The following OSBPL6 variants were observed in gnomAD, a reference collection of about 807,000 sequenced individuals.
OSBPL6 encodes the protein oxysterol-binding protein-related protein 6.
OSBPL6 carries 49 observed loss-of-function variants against 125.8 expected under a neutral mutation model. The observed-to-expected ratio is 0.39, with a 90% CI of 0.31 to 0.49. The LOEUF is 0.49. OSBPL6 is among the 20% of genes least tolerant of loss of function. The probability of loss-of-function intolerance (pLI) is 0.88; values close to 1 mark genes in which losing one functional copy is unlikely to be tolerated. For synonymous variants in OSBPL6, 394 were observed against 391.8 expected, an observed-to-expected ratio of 1.01 and a Z score of -0.07; for missense variants, 986 against 1,135.4, an observed-to-expected ratio of 0.87 and a Z score of 1.89.
At chr2:178,290,578 T>A (rs1321698072) in intron 2 of OSBPL6, among the ~76,000 whole-genome samples, 7 of 152,142 alleles carry the variant, frequency 4.6e-5, no homozygotes, top group Non-Finnish European at 8.8e-5. Flanking sequence ...ACCTATATAA[T>A]CAGCACCCAG....
intron 1 of OSBPL6, among the ~76,000 whole-genome samples, chr2:178,200,013 G>A (rs1347947605): frequency 6.6e-6 from 1 of 152,116 alleles, no homozygotes; most frequent in Non-Finnish European, 1.5e-5. Flanking sequence ...CGAGAATAAT[G>A]CCTAATTATT....
At chr2:178,270,625 T>C (rs1196153415) in intron 1 of OSBPL6, among the ~76,000 whole-genome samples, 2 of 152,210 alleles carry the variant, frequency 1.3e-5, no homozygotes, top group African/African-American at 4.8e-5. Flanking sequence ...ATTCATGGTC[T>C]TTATTTCTAT....
chr2:178,329,629 A>G lies in OSBPL6; in HGVS notation c.318+1251A>G, dbSNP rs112830241. Among the ~76,000 whole-genome samples, 896 of 151,992 alleles carry G rather than the reference A, an allele frequency of 5.9e-3. 7 individuals carry two copies. Among genetic ancestry groups the G allele is most frequent in the African/African-American group, 0.021 (866 of 41,474 alleles). On this transcript the variant is annotated intron_variant, in intron 5 of 24. Coordinates refer to ENST00000190611, the MANE Select transcript of OSBPL6 (RefSeq NM_032523.4). Reference sequence around the variant, plus strand: ...TTTAGTAGAGATTGGGTTTCACCATATCGGCCAGGCTGGTCTCAAACTCCT... The same window carrying G: ...TTTAGTAGAGATTGGGTTTCACCATGTCGGCCAGGCTGGTCTCAAACTCCT...
chr2:178,241,654 G>A (rs552288358), intron 1 of OSBPL6, among the ~76,000 whole-genome samples: 4 of 152,206 alleles, frequency 2.6e-5, no homozygotes, highest in Admixed American at 1.3e-4. Flanking sequence ...GACCTCAAGC[G>A]ATTCGCCAAC....
In OSBPL6 at chr2:178,382,912, T is replaced by C; in HGVS notation, c.1622-112T>C. On this transcript the variant is annotated intron_variant, in intron 16 of 24. Coordinates refer to ENST00000190611, the MANE Select transcript of OSBPL6 (RefSeq NM_032523.4). ...TCCATTTACTTTTGAAAAGATATAA[T>C]GAAGACTCATGAAAGGTCTCAAAAT... 1.6e-5 allele frequency: 24 copies of C among 1,480,780 alleles called. No homozygotes were observed. The South Asian group carries it at 2.9e-4, about 18-fold the overall frequency. The allele number at this position is 1,480,780 out of a possible 1,614,324, so 91.7% of individuals were successfully genotyped here.
At chr2:178,247,480 T>C (rs954785996) in intron 1 of OSBPL6, among the ~76,000 whole-genome samples, 3 of 152,218 alleles carry the variant, frequency 2.0e-5, no homozygotes, top group African/African-American at 4.8e-5. Context: ...GGCACTCTTC[T>C]TGGTTTAGGA....
chr2:178,267,011 CAG>C, intron 1 of OSBPL6, among the ~76,000 whole-genome samples: 1 of 152,188 alleles, frequency 6.6e-6, no homozygotes, highest in South Asian at 2.1e-4. Flanking sequence ...GGAGGAGAGC[CAG>C]AGAGACATGG....
In OSBPL6 at chr2:178,212,727, C is replaced by T. The variant is rs1009365303; in HGVS notation, c.-351+18053C>T. ...CAGTGAAAGTATGCAATTTTTTAAA[C>T]GCAGAGGCTAAAACTAAAATAGCTC... On this transcript the variant is annotated intron_variant, in intron 1 of 24. Transcript: ENST00000190611. 5.3e-5 allele frequency among the ~76,000 whole-genome samples: 8 copies of T among 152,138 alleles called. No homozygotes were observed. In the East Asian group the frequency reaches 5.8e-4, roughly 11 times the overall value.
intron 3 of OSBPL6, among the ~76,000 whole-genome samples, chr2:178,316,716 A>G (rs572999865): frequency 6.6e-6 from 1 of 152,312 alleles, no homozygotes; most frequent in East Asian, 1.9e-4. Flanking sequence ...GCATTTACAT[A>G]GTATTAGGTA....
intron 1 of OSBPL6, among the ~76,000 whole-genome samples, chr2:178,270,290 T>C (rs1048744340): frequency 6.6e-6 from 1 of 152,198 alleles, no homozygotes; most frequent in Non-Finnish European, 1.5e-5. Flanking sequence ...AGCATGACTA[T>C]GAATGATTTG....
chr2:178,265,190 A>ATTTTT (rs2092191705), intron 1 of OSBPL6, among the ~76,000 whole-genome samples: 5 of 51,910 alleles, frequency 9.6e-5, no homozygotes, highest in East Asian at 1.1e-3. Flanking sequence ...CCCAGACGAG[A>ATTTTT]CTTTTTTTTT....
intron 1 of OSBPL6, among the ~76,000 whole-genome samples, chr2:178,232,838 A>G (rs2090892453): frequency 6.6e-6 from 1 of 151,982 alleles, no homozygotes; most frequent in African/African-American, 2.4e-5. Context: ...GTACCTTTCC[A>G]TTCTGTGTAG....
intron 8 of OSBPL6, among the ~76,000 whole-genome samples, chr2:178,333,595 C>T (rs530564933): frequency 1.4e-4 from 22 of 152,176 alleles, no homozygotes; most frequent in Non-Finnish European, 2.2e-4. Flanking sequence ...CTTTTATGAA[C>T]GGACTACCTT....
At chr2:178,334,998 A>G (rs1469915803) in intron 8 of OSBPL6, among the ~76,000 whole-genome samples, 1 of 152,218 alleles carries the variant, frequency 6.6e-6, no homozygotes, top group Non-Finnish European at 1.5e-5. Flanking sequence ...TGCCCAAGAT[A>G]GTGCCGAGTT....
intron 3 of OSBPL6, among the ~76,000 whole-genome samples, chr2:178,318,851 G>T (rs757026422): frequency 6.6e-6 from 1 of 152,224 alleles, no homozygotes; most frequent in East Asian, 1.9e-4. Flanking sequence ...TGTGGCATGG[G>T]AATGCGTAAG....
At chr2:178,331,664 A>C (rs977424525) in intron 6 of OSBPL6, 59 bp downstream of exon 6, 1 of 1,538,538 alleles carries the variant, frequency 6.5e-7, no homozygotes, top group Non-Finnish European at 9.0e-7. Flanking sequence ...TGAAGTGAGT[A>C]AACACTGTAA....
At chr2:178,390,414 A>G (rs962037611) in intron 21 of OSBPL6, among the ~76,000 whole-genome samples, 3 of 152,102 alleles carry the variant, frequency 2.0e-5, no homozygotes, top group Admixed American at 1.3e-4. Context: ...ACACCCCCAC[A>G]AACAACCACC....
intron 13 of OSBPL6, among the ~76,000 whole-genome samples, chr2:178,368,609 G>T (rs1432961435): frequency 6.6e-6 from 1 of 151,734 alleles, no homozygotes; most frequent in Non-Finnish European, 1.5e-5. Flanking sequence ...TTGGCACAAT[G>T]TTAATATTTT....
At chr2:178,331,473 G>C (rs2154077288) in intron 5 of OSBPL6, 79 bp from the exon 6 acceptor site, 1 of 1,429,180 alleles carries the variant, frequency 7.0e-7, no homozygotes, top group East Asian at 2.3e-5. Flanking sequence ...TAAATGCCAA[G>C]CAACATTAGA....
Sources: gnomAD v4.1 joint callset for allele counts (sites outside exome capture counted in the v4.1 genomes callset) on GRCh38, gnomAD v4.1.1 for gene constraint, MANE v1.5 for transcripts, NCBI Gene and HGNC (gene_info 2026-07-23, HGNC 2026-07-21) for gene names.